RAPGEF4: variants seen among roughly 807,000 people sequenced by gnomAD.
RAPGEF4 encodes the protein Rap guanine nucleotide exchange factor 4.
In RAPGEF4, 66 loss-of-function variants were observed where a neutral mutation model predicts 147.9. The observed-to-expected ratio is 0.45, with a 90% confidence interval of 0.37 to 0.55. The LOEUF is 0.55. Among genes scored for constraint, RAPGEF4 ranks in the 20% least tolerant of loss-of-function variants. RAPGEF4 has a pLI of 0.00. For missense variants in RAPGEF4, 1,071 were observed against 1,257.3 expected (o/e 0.85, Z 2.24); for synonymous variants, 419 against 442.7 (o/e 0.95, Z 0.67).
At chr2:172,912,260 T>G (rs2150010026) in intron 4 of RAPGEF4, among the ~76,000 whole-genome samples, 1 of 152,348 alleles carries the variant, frequency 6.6e-6, no homozygotes, top group East Asian at 1.9e-4. Flanking sequence ...TTGAAAATCT[T>G]AATAGGTTTC....
chr2:172,820,554 T>C (rs557663115), intron 4 of RAPGEF4, among the ~76,000 whole-genome samples: 79 of 152,286 alleles, frequency 5.2e-4, no homozygotes, highest in African/African-American at 1.7e-3. Context: ...AAACGTGTCA[T>C]GGAGAGCCGT....
chr2:172,944,979 T>G (rs1027626012), intron 6 of RAPGEF4, among the ~76,000 whole-genome samples: 41 of 152,254 alleles, frequency 2.7e-4, no homozygotes, highest in African/African-American at 9.4e-4. Flanking sequence ...TGTGGGTTTT[T>G]TTTTCTTCTT....
intron 4 of RAPGEF4, among the ~76,000 whole-genome samples, chr2:172,828,714 C>G (rs1406909414): frequency 6.6e-6 from 1 of 152,176 alleles, no homozygotes; most frequent in Non-Finnish European, 1.5e-5. Context: ...GGGCCCTTTG[C>G]CTACAGTCAC....
In RAPGEF4 at chr2:172,831,266, CTTTTTTTT is replaced by C. The variant is rs71018521; in HGVS notation, c.444+16853_444+16860del. ...AAATGTGACTGTTTCAGATAGAAAACTTTTTTTTTTTTTTTTTTTGAGACAGAGTTTTG... is the reference window on the plus strand; with the variant it reads ...AAATGTGACTGTTTCAGATAGAAAACTTTTTTTTTTTGAGACAGAGTTTTG... On this transcript the variant is annotated intron_variant, in intron 4 of 30. Coordinates refer to ENST00000397081, the MANE Select transcript of RAPGEF4 (RefSeq NM_007023.4). Among the ~76,000 whole-genome samples the C allele has an allele frequency of 1.1e-4, 6 of 53,890 alleles. 1 individual carries two copies. In the South Asian group the frequency reaches 3.1e-3, roughly 28 times the overall value. 35.4% of individuals were successfully genotyped at this position (53,890 alleles called of 152,430 possible). A position where few individuals can be genotyped will look rare whatever the true frequency, so the allele number is the denominator to read the frequency against.
intron 10 of RAPGEF4, among the ~76,000 whole-genome samples, chr2:172,975,104 ATATAAG>A (rs1457776790): frequency 6.6e-6 from 1 of 152,236 alleles, no homozygotes; most frequent in East Asian, 1.9e-4. Flanking sequence ...CAATGTTCTG[ATATAAG>A]TATATTTCAT....
At position 172,784,111 on chromosome 2, in the gene RAPGEF4, C is replaced by T. The variant is rs555686791; in HGVS notation, c.66-10914C>T. ...TGATACTTGCTGTAGATGTACGTAT[C>T]TCTGTATCTCTCTTACCCATTTTTA... On this transcript the variant is annotated intron_variant, in intron 1 of 30. Transcript: ENST00000397081. Among the ~76,000 whole-genome samples, 5 of 152,290 alleles carry T rather than the reference C, an allele frequency of 3.3e-5. No individual in the cohort carries two copies. The East Asian group carries it at 7.7e-4, about 23-fold the overall frequency.
intron 1 of RAPGEF4, among the ~76,000 whole-genome samples, chr2:172,757,192 CATAGAGAAGTTAATT>C (rs1204622513): frequency 6.6e-6 from 1 of 152,242 alleles, no homozygotes; most frequent in African/African-American, 2.4e-5. Flanking sequence ...AATCCAGCAT[CATAGAGAAGTTAATT>C]TCATACAAGT....
intron 1 of RAPGEF4, among the ~76,000 whole-genome samples, chr2:172,749,194 T>TA (rs34230538): frequency 0.019 from 2,823 of 152,336 alleles, 95 homozygotes; most frequent in African/African-American, 0.064. Context: ...ACAGCTCTGC[T>TA]AGGCAGTGAC....
chr2:172,835,935 A>G (rs1690876091), intron 4 of RAPGEF4, among the ~76,000 whole-genome samples: 1 of 152,168 alleles, frequency 6.6e-6, no homozygotes, highest in Non-Finnish European at 1.5e-5. Context: ...CTAGGGCTGG[A>G]AAGAGGGTGA....
intron 4 of RAPGEF4, among the ~76,000 whole-genome samples, chr2:172,871,451 A>G (rs905071367): frequency 1.3e-5 from 2 of 152,142 alleles, no homozygotes; most frequent in Admixed American, 1.3e-4. Flanking sequence ...AGGGTAGTGG[A>G]GGGCAAGGCA....
intron 4 of RAPGEF4, among the ~76,000 whole-genome samples, chr2:172,875,863 C>A (rs1334512583): frequency 6.6e-6 from 1 of 152,188 alleles, no homozygotes; most frequent in East Asian, 1.9e-4. Context: ...GATCTTGATT[C>A]TTCCTATCCA....
chr2:173,034,064 T>C (rs1683585555), intron 27 of RAPGEF4, 100 bp downstream of exon 27: 1 of 1,125,188 alleles, frequency 8.9e-7, no homozygotes, highest in Admixed American at 2.5e-5. Flanking sequence ...TATCTGTCCT[T>C]ATATGACTTT....
intron 4 of RAPGEF4, among the ~76,000 whole-genome samples, chr2:172,915,229 T>G (rs1256248371): frequency 6.6e-6 from 1 of 152,216 alleles, no homozygotes; most frequent in East Asian, 1.9e-4. Context: ...ATTAAATGAA[T>G]TATTTTTAAA....
intron 1 of RAPGEF4, among the ~76,000 whole-genome samples, chr2:172,770,309 T>G (rs1484293611): frequency 1.3e-5 from 2 of 152,172 alleles, no homozygotes; most frequent in Non-Finnish European, 2.9e-5. Context: ...AAGAGAGCAG[T>G]CAAATGCTCT....
At chr2:172,821,401 C>T (rs1026771023) in intron 4 of RAPGEF4, among the ~76,000 whole-genome samples, 15 of 152,138 alleles carry the variant, frequency 9.9e-5, no homozygotes, top group Non-Finnish European at 1.9e-4. Flanking sequence ...GTCAGGAGCC[C>T]GAGCTTACTT....
At chr2:172,906,587 G>A (rs186605362) in intron 4 of RAPGEF4, among the ~76,000 whole-genome samples, 1 of 152,352 alleles carries the variant, frequency 6.6e-6, no homozygotes, top group East Asian at 1.9e-4. Flanking sequence ...GTGGGAAGGG[G>A]TGTGCCCAAA....
At chr2:173,034,904 AC>A in intron 27 of RAPGEF4, among the ~76,000 whole-genome samples, 1 of 151,794 alleles carries the variant, frequency 6.6e-6, no homozygotes, top group Non-Finnish European at 1.5e-5. Flanking sequence ...ACACACACAC[AC>A]ACACAAATAC....
At chr2:172,865,563 C>G (rs1205941631) in intron 4 of RAPGEF4, among the ~76,000 whole-genome samples, 1 of 152,176 alleles carries the variant, frequency 6.6e-6, no homozygotes, top group Non-Finnish European at 1.5e-5. Flanking sequence ...AAGTCTGGCT[C>G]CTCCTGGTGG....
intron 10 of RAPGEF4, among the ~76,000 whole-genome samples, chr2:172,972,132 T>C (rs982840984): frequency 6.6e-6 from 1 of 152,206 alleles, no homozygotes; most frequent in African/African-American, 2.4e-5. Context: ...TTGGCTGCCC[T>C]AATGCAAGGC....
Sources: allele counts gnomAD v4.1 joint callset (sites outside exome capture counted in the v4.1 genomes callset), GRCh38; gene constraint gnomAD v4.1.1; transcripts MANE v1.5; gene names NCBI Gene and HGNC (gene_info 2026-07-23, HGNC 2026-07-21).